The following CAMTA1 variants were observed in gnomAD, a reference collection of about 807,000 sequenced individuals.
CAMTA1 encodes the protein calmodulin binding transcription activator 1, also known as calmodulin-binding transcription activator 1.
Under a neutral mutation model 170.9 loss-of-function variants are expected in CAMTA1, and 27 were observed. The ratio of observed to expected loss-of-function variants is 0.16; its 90% CI spans 0.12 to 0.22. The LOEUF is 0.22. CAMTA1 is among the 10% of genes least tolerant of loss of function. CAMTA1 has a pLI of 1.00. For missense variants in CAMTA1, 1,619 were observed against 2,217.2 expected (o/e 0.73, Z 5.42); for synonymous variants, 833 against 891.5 (o/e 0.93, Z 1.17).
chr1:7,529,349 C>G (rs1255104012), intron 6 of CAMTA1, among the ~76,000 whole-genome samples: 2 of 152,022 alleles, frequency 1.3e-5, no homozygotes, highest in South Asian at 2.1e-4. Context: ...AGCTGGGGCT[C>G]TCTGTCCTCT....
intron 8 of CAMTA1, among the ~76,000 whole-genome samples, 171 bp downstream of exon 8, chr1:7,662,037 T>C (rs1371571759): frequency 6.6e-6 from 1 of 152,076 alleles, no homozygotes; most frequent in East Asian, 1.9e-4. Context: ...AGGCAGGCCT[T>C]CCGCCTCGTC....
chr1:7,146,724 C>T lies in CAMTA1; in HGVS notation c.302+55353C>T, dbSNP rs1646207976. On this transcript the variant is annotated intron_variant, in intron 4 of 22. Transcript: ENST00000303635. The surrounding 1 kb of genome is among the most constrained non-coding windows in gnomAD (Gnocchi z 4.3). ...GGAGAGAAGGGTTTGGCGTATTGCA[C>T]ACACACAAACACACACTCAAACATA... Among the ~76,000 whole-genome samples the T allele has an allele frequency of 4.0e-5, 6 of 151,702 alleles. No individual in the cohort carries two copies. The highest frequency in any genetic ancestry group is 3.9e-4 in the Admixed American group (6 of 15,256).
rs534533441 is a variant in CAMTA1 at position 6,968,855 on chromosome 1, C to T, written c.235-122449C>T. Among the ~76,000 whole-genome samples, 20 of 152,064 alleles carry T rather than the reference C, an allele frequency of 1.3e-4. No homozygotes were observed. The South Asian group carries it at 2.1e-3, about 16-fold the overall frequency. On this transcript the variant is annotated intron_variant, in intron 3 of 22. Coordinates refer to ENST00000303635, the MANE Select transcript of CAMTA1 (RefSeq NM_015215.4). ...GTGCAGGTGCTTCAAGGAGAGAATG[C>T]GGGATGTGACTAGGGAGCTGCAAGT...
In CAMTA1 at chr1:7,692,316, A is replaced by G. The variant is rs1168590267; in HGVS notation, c.2914+14583A>G. Among the ~76,000 whole-genome samples the G allele has an allele frequency of 3.9e-5, 6 of 152,234 alleles. No individual in the cohort carries two copies. In the East Asian group the frequency reaches 1.2e-3, roughly 29 times the overall value. On this transcript the variant is annotated intron_variant, in intron 11 of 22. Transcript: ENST00000303635. ...CCTCCCTTCAGCTCACTGAAGCTGG[A>G]AGAGAAAGGAAAAAGCACTTTTCTT... is the stretch of plus-strand genomic sequence containing the variant.
At chr1:7,049,751 A>T (rs1465788960) in intron 3 of CAMTA1, among the ~76,000 whole-genome samples, 3 of 152,198 alleles carry the variant, frequency 2.0e-5, no homozygotes, top group Admixed American at 6.5e-5. Context: ...AAGAGATTAC[A>T]TGCCTGGCTC....
intron 3 of CAMTA1, among the ~76,000 whole-genome samples, chr1:6,954,211 G>A (rs2149489354): frequency 6.6e-6 from 1 of 152,350 alleles, no homozygotes; most frequent in South Asian, 2.1e-4. Context: ...CTGGTCGCCT[G>A]ATGATTGAGC....
intron 6 of CAMTA1, among the ~76,000 whole-genome samples, chr1:7,572,981 G>A (rs566188411): frequency 2.6e-5 from 4 of 152,180 alleles, no homozygotes; most frequent in African/African-American, 4.8e-5. Context: ...GGCAGCCGGC[G>A]CCTGAACTCA....
rs1295259827 is a variant in CAMTA1, at chr1:7,674,122, C to T, written c.2779+3085C>T. 5.3e-5 allele frequency among the ~76,000 whole-genome samples: 8 copies of T among 152,188 alleles called. No individual in the cohort carries two copies. The South Asian group carries it at 8.3e-4, about 16-fold the overall frequency. Reference sequence around the variant, plus strand: ...TTATGAGCACAAGCCAGGAACGACACGGGAGGAGGGGGCACTGGCAACACA... The same window carrying T: ...TTATGAGCACAAGCCAGGAACGACATGGGAGGAGGGGGCACTGGCAACACA... On this transcript the variant is annotated intron_variant, in intron 10 of 22. Coordinates refer to ENST00000303635, the MANE Select transcript of CAMTA1 (RefSeq NM_015215.4). This position sits in a 1 kb window ranked among gnomAD's most constrained non-coding sequence, Gnocchi z 4.1.
In CAMTA1 at chr1:7,561,054, T is replaced by A. The variant is rs2094950279; in HGVS notation, c.511-79346T>A. Among the ~76,000 whole-genome samples, 1 of 151,760 alleles carries A rather than the reference T, an allele frequency of 6.6e-6. No homozygotes were observed. Among genetic ancestry groups the A allele is most frequent in the African/African-American group, 2.4e-5 (1 of 41,310 alleles). On this transcript the variant is annotated intron_variant, in intron 6 of 22. Coordinates refer to ENST00000303635, the MANE Select transcript of CAMTA1 (RefSeq NM_015215.4). This position sits in a 1 kb window ranked among gnomAD's most constrained non-coding sequence, Gnocchi z 5.3. ...GCCCTCTGCGCTCAGGCTCAGGGGGTGACGCTGGGCTGGGCGCTTCCCATG... is the reference window on the plus strand; with the variant it reads ...GCCCTCTGCGCTCAGGCTCAGGGGGAGACGCTGGGCTGGGCGCTTCCCATG...
At chr1:7,479,674 G>T (rs1486854210) in intron 6 of CAMTA1, among the ~76,000 whole-genome samples, 2 of 152,198 alleles carry the variant, frequency 1.3e-5, no homozygotes, top group Non-Finnish European at 2.9e-5. Context: ...CAGCTCAGCA[G>T]CATCCCAAGC....
At chr1:6,961,972 A>G (rs1690500350) in intron 3 of CAMTA1, among the ~76,000 whole-genome samples, 1 of 152,204 alleles carries the variant, frequency 6.6e-6, no homozygotes, top group African/African-American at 2.4e-5. Flanking sequence ...CGGCCAGTCC[A>G]GCGTCTTCCG....
intron 3 of CAMTA1, among the ~76,000 whole-genome samples, chr1:6,955,968 T>A (rs1689382013): frequency 6.6e-6 from 1 of 152,168 alleles, no homozygotes; most frequent in African/African-American, 2.4e-5. Flanking sequence ...GTCAGGGCTG[T>A]TCCTGCAGCT....
Position 7,561,139 on chromosome 1 carries a change from G to A in CAMTA1, c.511-79261G>A, listed in dbSNP as rs2094951546. ...CGCCCAAGAATCCAGGCATGGCCAG[G>A]GGCTGGCCGAGGGGGGCCGGTGGGT... On this transcript the variant is annotated intron_variant, in intron 6 of 22. Coordinates refer to ENST00000303635, the MANE Select transcript of CAMTA1 (RefSeq NM_015215.4). The surrounding 1 kb of genome is among the most constrained non-coding windows in gnomAD (Gnocchi z 5.3). Among the ~76,000 whole-genome samples, 2 of 152,124 alleles carry A rather than the reference G, an allele frequency of 1.3e-5. No homozygotes were observed. Among genetic ancestry groups the A allele is most frequent in the Non-Finnish European group, 2.9e-5 (2 of 68,010 alleles).
intron 3 of CAMTA1, among the ~76,000 whole-genome samples, chr1:6,899,516 G>T (rs1262878458): frequency 6.6e-6 from 1 of 151,276 alleles, no homozygotes; most frequent in Non-Finnish European, 1.5e-5. Flanking sequence ...TTACTTCGCT[G>T]TTAAAAAATT....
intron 5 of CAMTA1, among the ~76,000 whole-genome samples, chr1:7,351,196 G>A (rs1056503738): frequency 6.6e-6 from 1 of 152,222 alleles, no homozygotes; most frequent in Admixed American, 6.5e-5. Context: ...GAGCATCCAT[G>A]GCCTCACGCT....
At chr1:6,889,975 G>T (rs1167258178) in intron 3 of CAMTA1, among the ~76,000 whole-genome samples, 1 of 152,160 alleles carries the variant, frequency 6.6e-6, no homozygotes, top group East Asian at 1.9e-4. Context: ...TACATAGTTA[G>T]CACTTCATTG....
At chr1:7,655,142 C>T (rs1474257914) in intron 7 of CAMTA1, among the ~76,000 whole-genome samples, 1 of 105,004 alleles carries the variant, frequency 9.5e-6, no homozygotes, top group Non-Finnish European at 1.9e-5. Flanking sequence ...ACACACAAAC[C>T]CACCTATACA....
chr1:7,751,126 G>T (rs1211996419), intron 19 of CAMTA1, 73 bp from the exon 20 acceptor site: 3 of 1,204,552 alleles, frequency 2.5e-6, no homozygotes, highest in Admixed American at 2.2e-5. Context: ...TTCCCTTCCC[G>T]GTAAGCTCGA....
intron 5 of CAMTA1, among the ~76,000 whole-genome samples, chr1:7,404,197 G>A (rs1048002150): frequency 2.0e-5 from 3 of 152,198 alleles, no homozygotes; most frequent in African/African-American, 7.2e-5. Flanking sequence ...GTCCCTCCAT[G>A]GCCCATTGGC....
Sources: allele counts gnomAD v4.1 joint callset (sites outside exome capture counted in the v4.1 genomes callset), GRCh38; gene constraint gnomAD v4.1.1; non-coding constraint Gnocchi (gnomAD v3.1); transcripts MANE v1.5; gene names NCBI Gene and HGNC (gene_info 2026-07-23, HGNC 2026-07-21).